The following UST variants were observed in gnomAD, a reference collection of about 807,000 sequenced individuals.
The protein encoded by UST is chondroitin sulfate 2-O-sulfotransferase.
UST carries 21 observed loss-of-function variants against 45.6 expected under a neutral mutation model. The observed-to-expected ratio is 0.46, with a 90% confidence interval of 0.33 to 0.66. The LOEUF (loss-of-function observed/expected upper bound fraction) is 0.66, where lower values mean the gene tolerates loss of function less well. Ranked by LOEUF, UST falls within the 30% of genes least tolerant of loss-of-function variation. The pLI is 0.02. For missense variants in UST, 463 were observed against 512.4 expected (o/e 0.90, Z 0.93); for synonymous variants, 215 against 200.6 (o/e 1.07, Z -0.61).
chr6:148,947,846 A>G (rs76643208), intron 3 of UST, among the ~76,000 whole-genome samples: 1,703 of 152,048 alleles, frequency 0.011, 25 homozygotes, highest in African/African-American at 0.038. Flanking sequence ...CACAGGGATT[A>G]GTTCACACAG....
chr6:148,838,344 G>A (rs1777828472), intron 1 of UST, among the ~76,000 whole-genome samples: 1 of 152,202 alleles, frequency 6.6e-6, no homozygotes, highest in African/African-American at 2.4e-5. Context: ...AGGACACGAG[G>A]TCAGAGAGGA....
chr6:148,999,799 C>T (rs1781513845), intron 5 of UST, among the ~76,000 whole-genome samples: 1 of 139,200 alleles, frequency 7.2e-6, no homozygotes, highest in African/African-American at 2.5e-5. Flanking sequence ...TCAGCATTTC[C>T]TCTGATAGAC....
At chr6:148,817,293 C>T (rs964517446) in intron 1 of UST, among the ~76,000 whole-genome samples, 4 of 152,148 alleles carry the variant, frequency 2.6e-5, no homozygotes, top group Admixed American at 6.5e-5. Flanking sequence ...GTAAATACTG[C>T]TTTATTGGAA....
intron 2 of UST, among the ~76,000 whole-genome samples, chr6:148,905,553 G>A (rs1185095085): frequency 6.6e-6 from 1 of 152,212 alleles, no homozygotes; most frequent in Non-Finnish European, 1.5e-5. Context: ...CCCCTCCCCA[G>A]CCCCCATTAA....
chr6:148,786,824 A>G lies in UST; in HGVS notation c.247+39147A>G, dbSNP rs143679948. ...TTGAGGAGTCACCACACTGTCTTCC[A>G]CAACCAACAGTGTAAAAACATTCCT... On this transcript the variant is annotated intron_variant, in intron 1 of 7. Transcript: ENST00000367463. 3.2e-3 allele frequency among the ~76,000 whole-genome samples: 494 copies of G among 152,136 alleles called. 2 individuals carry two copies. Among genetic ancestry groups the G allele is most frequent in the African/African-American group, 0.011 (468 of 41,546 alleles).
At chr6:148,810,861 G>C (rs112916221) in intron 1 of UST, among the ~76,000 whole-genome samples, 4 of 152,086 alleles carry the variant, frequency 2.6e-5, no homozygotes, top group African/African-American at 9.7e-5. Context: ...CAGATTATCA[G>C]CTAAAATACA....
At chr6:149,000,489 A>T (rs2115002395) in intron 5 of UST, among the ~76,000 whole-genome samples, 1 of 152,312 alleles carries the variant, frequency 6.6e-6, no homozygotes, top group East Asian at 1.9e-4. Flanking sequence ...GGCAGCAGAG[A>T]GAGGAAGAAG....
intron 1 of UST, among the ~76,000 whole-genome samples, chr6:148,852,804 C>T (rs1467304282): frequency 6.6e-6 from 1 of 152,150 alleles, no homozygotes; most frequent in Non-Finnish European, 1.5e-5. Context: ...TCCCTAGCTG[C>T]CCACTGCTTT....
intron 5 of UST, among the ~76,000 whole-genome samples, chr6:148,995,815 A>G (rs954705095): frequency 6.6e-6 from 1 of 152,346 alleles, no homozygotes; most frequent in East Asian, 1.9e-4. Context: ...GCTGAACAGC[A>G]TCTGCCCCCT....
rs926685866 is a variant in UST at position 148,940,533 on chromosome 6, G to T, written c.292-746G>T. Among the ~76,000 whole-genome samples the T allele has an allele frequency of 2.0e-5, 3 of 152,064 alleles. No homozygotes were observed. In the South Asian group the frequency reaches 6.2e-4, roughly 32 times the overall value. On this transcript the variant is annotated intron_variant, in intron 2 of 7. Transcript: ENST00000367463. ...ACATATATATCAATAACAAGTGTTG[G>T]CAAGGATGTGCAGAAATTGGAACCC...
In UST at chr6:148,851,282, C is replaced by T. The variant is rs1401770460; in HGVS notation, c.248-35704C>T. On this transcript the variant is annotated intron_variant, in intron 1 of 7. Transcript: ENST00000367463. ...AGTATGTATAATATATTTGTATACA[C>T]ACACATATATATACGTACACATTTA... Among the ~76,000 whole-genome samples the T allele has an allele frequency of 4.9e-3, 751 of 152,242 alleles. 10 individuals carry two copies. The highest frequency in any genetic ancestry group is 0.016 in the African/African-American group (681 of 41,534).
In UST at chr6:149,044,586, G is replaced by A. The variant is rs148774636; in HGVS notation, c.937+23105G>A. Among the ~76,000 whole-genome samples the A allele has an allele frequency of 3.1e-4, 47 of 152,276 alleles. No homozygotes were observed. The East Asian group carries it at 6.4e-3, about 21-fold the overall frequency. On this transcript the variant is annotated intron_variant, in intron 7 of 7. Transcript: ENST00000367463. The stretch of plus-strand genomic sequence containing the variant: ...GAATGTTATTCAGATATCAGCATCC[G>A]TAGGCTGAACTTAATATGAAGTGTG...
intron 5 of UST, among the ~76,000 whole-genome samples, chr6:148,970,611 C>T (rs904592534): frequency 7.2e-5 from 11 of 152,166 alleles, no homozygotes; most frequent in African/African-American, 1.4e-4. Context: ...GGCTAGGAAA[C>T]GAATGCCAGG....
chr6:148,859,440 G>T (rs1364751033), intron 1 of UST, among the ~76,000 whole-genome samples: 1 of 152,136 alleles, frequency 6.6e-6, no homozygotes, highest in African/African-American at 2.4e-5. Flanking sequence ...CCATTCTGTA[G>T]GTTGCCTGTT....
chr6:148,844,392 G>T (rs926086949), intron 1 of UST, among the ~76,000 whole-genome samples: 2 of 152,108 alleles, frequency 1.3e-5, no homozygotes, highest in African/African-American at 4.8e-5. Context: ...GTTCTCGCCT[G>T]TTTTCAATAT....
intron 5 of UST, among the ~76,000 whole-genome samples, chr6:148,993,938 G>A (rs1781401360): frequency 7.4e-6 from 1 of 135,878 alleles, no homozygotes; most frequent in South Asian, 2.4e-4. Flanking sequence ...AAATTACCCA[G>A]TCTTGAATAT....
At chr6:148,967,636 C>T (rs1780828338) in intron 5 of UST, among the ~76,000 whole-genome samples, 1 of 152,194 alleles carries the variant, frequency 6.6e-6, no homozygotes, top group South Asian at 2.1e-4. Flanking sequence ...GCGCAGGCAG[C>T]TGTGAGGAGC....
intron 5 of UST, among the ~76,000 whole-genome samples, chr6:148,975,735 A>C (rs1459157770): frequency 1.3e-5 from 2 of 152,202 alleles, no homozygotes; most frequent in Non-Finnish European, 2.9e-5. Context: ...GTGTAGGAAA[A>C]ATTAGACCGT....
chr6:149,073,744 A>G lies in UST; in HGVS notation c.938-89A>G, dbSNP rs529456332. On this transcript the variant is annotated intron_variant, in intron 7 of 7. Coordinates refer to ENST00000367463, the MANE Select transcript of UST (RefSeq NM_005715.3). ...TGCAGTTGCTTCCTTAGGTGCTACC[A>G]GAGTTGTACAGGTAATGTGGGTCCT... The G allele has an allele frequency of 4.7e-5, 69 of 1,467,624 alleles. No individual in the cohort carries two copies. In the African/African-American group the frequency reaches 9.1e-4, roughly 19 times the overall value. 90.9% of individuals were successfully genotyped at this position (1,467,624 alleles called of 1,614,324 possible). A position where few individuals can be genotyped will look rare whatever the true frequency, so the allele number is the denominator to read the frequency against.
Sources: gnomAD v4.1 joint callset for allele counts (sites outside exome capture counted in the v4.1 genomes callset) on GRCh38, gnomAD v4.1.1 for gene constraint, MANE v1.5 for transcripts, NCBI Gene and HGNC (gene_info 2026-07-23, HGNC 2026-07-21) for gene names.